The following PLXNA2 variants were observed in gnomAD, a reference collection of about 807,000 sequenced individuals.
PLXNA2 encodes plexin-A2.
A neutral mutation model predicts 193.5 loss-of-function variants in PLXNA2; 91 were observed. The observed-to-expected ratio is 0.47, with a 90% CI of 0.40 to 0.56. PLXNA2 has a LOEUF of 0.56. Ranked by LOEUF, PLXNA2 falls within the 20% of genes least tolerant of loss-of-function variation. The pLI is 0.00. For synonymous variants in PLXNA2, 997 were observed against 1,027.3 expected (o/e 0.97, Z 0.56); for missense variants, 1,995 against 2,503.2 (o/e 0.80, Z 4.33).
chr1:208,128,528 A>T (rs2102461563), intron 4 of PLXNA2, among the ~76,000 whole-genome samples: 1 of 152,224 alleles, frequency 6.6e-6, no homozygotes, highest in African/African-American at 2.4e-5. Flanking sequence ...ACGCTAGGCC[A>T]TATCAAAGAG....
rs1228279103 is a variant in PLXNA2, at chr1:208,082,574, AC to A, written c.2299-67del. 159 of 1,080,178 alleles carry A rather than the reference AC, an allele frequency of 1.5e-4. No homozygotes were observed. In the East Asian group the frequency reaches 3.4e-3, roughly 23 times the overall value. The allele number at this position is 1,080,178 out of a possible 1,614,324, so 66.9% of individuals were successfully genotyped here. A position where few individuals can be genotyped will look rare whatever the true frequency, so the allele number is the denominator to read the frequency against. Reference sequence around the variant, plus strand: ...TCTATCACAGGGGTCAGGGATGCAGACAAACCCTGCATGCTGCTCAGATTAT... The same window carrying A: ...TCTATCACAGGGGTCAGGGATGCAGAAAACCCTGCATGCTGCTCAGATTAT... On this transcript the variant is annotated intron_variant, in intron 10 of 31. Coordinates refer to ENST00000367033, the MANE Select transcript of PLXNA2 (RefSeq NM_025179.4). This position sits in a 1 kb window ranked among gnomAD's most constrained non-coding sequence, Gnocchi z 4.2.
In PLXNA2 at chr1:208,039,604, G is replaced by A; in HGVS notation, c.4500+17C>T. On this transcript the variant is annotated intron_variant, in intron 24 of 31. Transcript: ENST00000367033. ...TAGAAGATACACAGGCGGGCCCGGA[G>A]CTTCCGGCTTCCTCACCAGGGTCTT... 1 of 1,612,810 alleles carries A rather than the reference G, an allele frequency of 6.2e-7. No homozygotes were observed. The highest frequency in any genetic ancestry group is 8.5e-7 in the Non-Finnish European group (1 of 1,179,964).
In PLXNA2 at chr1:208,028,888, G is replaced by A. The variant is rs1664418283; in HGVS notation, c.5380C>T (p.Pro1794Ser). ...TTGGCATAGAGCAGCTTGTTGGAGG[G>A]GGAGTCCTTGCCCAGCCGGTGCTCT... Reference protein sequence around the residue: ...TSEHRLGKDSPSNKLLYAKDI... With the variant: ...TSEHRLGKDSSSNKLLYAKDI... Residue 1794 changes from proline to serine, a missense_variant, in exon 30 of 32, where the codon CCC (proline) becomes TCC (serine). Coordinates refer to ENST00000367033, the MANE Select transcript of PLXNA2 (RefSeq NM_025179.4). The surrounding 1 kb of genome is among the most constrained non-coding windows in gnomAD (Gnocchi z 4.2). 1 of 1,614,186 alleles carries A rather than the reference G, an allele frequency of 6.2e-7. No homozygotes were observed. Among genetic ancestry groups the A allele is most frequent in the African/African-American group, 1.3e-5 (1 of 75,040 alleles).
intron 3 of PLXNA2, among the ~76,000 whole-genome samples, chr1:208,196,997 T>C (rs1387873254): frequency 1.3e-5 from 2 of 152,220 alleles, no homozygotes; most frequent in South Asian, 2.1e-4. Flanking sequence ...AACCTTATTA[T>C]AATCCTTCTG....
At chr1:208,093,597 C>T (rs1666781837) in intron 8 of PLXNA2, among the ~76,000 whole-genome samples, 1 of 152,184 alleles carries the variant, frequency 6.6e-6, no homozygotes. Flanking sequence ...ATTTCAACCT[C>T]TTAAATAACA....
intron 4 of PLXNA2, among the ~76,000 whole-genome samples, chr1:208,131,785 A>G (rs1023868103): frequency 3.9e-5 from 6 of 152,152 alleles, no homozygotes; most frequent in Non-Finnish European, 7.4e-5. Flanking sequence ...TGGGGGTAAG[A>G]AAATATGCAG....
intron 4 of PLXNA2, among the ~76,000 whole-genome samples, chr1:208,133,126 G>A (rs929439036): frequency 5.9e-5 from 9 of 152,158 alleles, no homozygotes; most frequent in Non-Finnish European, 1.2e-4. Context: ...GGATAAACCA[G>A]CTCTGGATTC....
At chr1:208,122,287 C>A (rs76862242) in intron 4 of PLXNA2, among the ~76,000 whole-genome samples, 7,582 of 152,252 alleles carry the variant, frequency 0.05, 256 homozygotes, top group Non-Finnish European at 0.073. Flanking sequence ...AATAACCAGG[C>A]CCAGCCTCAT....
intron 1 of PLXNA2, among the ~76,000 whole-genome samples, chr1:208,235,856 C>G (rs1361753854): frequency 2.0e-5 from 3 of 152,130 alleles, no homozygotes; most frequent in Admixed American, 6.5e-5. Context: ...AACTTGACCC[C>G]CTGTGGGTCA....
At chr1:208,101,430 G>C (rs1191867207) in intron 5 of PLXNA2, among the ~76,000 whole-genome samples, 1 of 152,186 alleles carries the variant, frequency 6.6e-6, no homozygotes, top group Non-Finnish European at 1.5e-5. Flanking sequence ...AGAAACCTCT[G>C]GGTATAAACA....
chr1:208,192,853 T>G (rs1670226597), intron 3 of PLXNA2, among the ~76,000 whole-genome samples: 1 of 150,082 alleles, frequency 6.7e-6, no homozygotes, highest in Non-Finnish European at 1.5e-5. Context: ...CACCATTGCA[T>G]TCCAGCCTGG....
chr1:208,134,974 T>A (rs983321799), intron 4 of PLXNA2, among the ~76,000 whole-genome samples: 4 of 152,080 alleles, frequency 2.6e-5, no homozygotes, highest in Non-Finnish European at 5.9e-5. Flanking sequence ...CTGAAAAGGA[T>A]TCTTATTTTT....
intron 3 of PLXNA2, among the ~76,000 whole-genome samples, chr1:208,196,861 G>A (rs565897736): frequency 5.3e-5 from 8 of 152,322 alleles, no homozygotes; most frequent in African/African-American, 1.7e-4. Flanking sequence ...GGGGGTAGAT[G>A]TTGGAAAAGA....
At chr1:208,032,123 A>G (rs1293256530) in intron 28 of PLXNA2, 1 of 985,320 alleles carries the variant, frequency 1.0e-6, no homozygotes, top group African/African-American at 1.7e-5. Context: ...TCCGAGGAAC[A>G]AGCTGGAGGA....
chr1:208,046,821 T>TGTGA (rs1665085303), intron 17 of PLXNA2, among the ~76,000 whole-genome samples: 1 of 150,996 alleles, frequency 6.6e-6, no homozygotes, highest in Non-Finnish European at 1.5e-5. Context: ...TGTGTGTGTG[T>TGTGA]GTGTGTGTGT....
intron 4 of PLXNA2, among the ~76,000 whole-genome samples, chr1:208,137,986 G>A (rs1201030073): frequency 6.6e-6 from 1 of 152,172 alleles, no homozygotes; most frequent in Non-Finnish European, 1.5e-5. Context: ...GGTTGGGGCA[G>A]GGTGGAAGAC....
intron 17 of PLXNA2, 105 bp downstream of exon 17, chr1:208,050,904 C>T: frequency 2.6e-6 from 2 of 778,972 alleles, no homozygotes; most frequent in Non-Finnish European, 4.5e-6. Context: ...GTTTTCCTCT[C>T]CAGTATTCAG....
chr1:208,132,997 A>G (rs1241300604), intron 4 of PLXNA2, among the ~76,000 whole-genome samples: 2 of 152,120 alleles, frequency 1.3e-5, no homozygotes, highest in African/African-American at 4.8e-5. Flanking sequence ...ATAGTCAATC[A>G]TTGTCTGCTT....
At chr1:208,040,212 G>C (rs1664822390) in intron 22 of PLXNA2, 154 bp from the exon 23 acceptor site, 6 of 630,166 alleles carry the variant, frequency 9.5e-6, no homozygotes, top group Non-Finnish European at 1.7e-5. Context: ...AGCTCACCCA[G>C]TAACTAGACT....
Sources: allele counts gnomAD v4.1 joint callset (sites outside exome capture counted in the v4.1 genomes callset), GRCh38; gene constraint gnomAD v4.1.1; non-coding constraint Gnocchi (gnomAD v3.1); transcripts MANE v1.5; gene names NCBI Gene and HGNC (gene_info 2026-07-23, HGNC 2026-07-21).